Variants in DIAPH3 observed in about 807,000 individuals in gnomAD.
DIAPH3 encodes the protein diaphanous related formin 3.
Under a neutral mutation model 144.3 loss-of-function variants are expected in DIAPH3, and 117 were observed. That is an observed-to-expected ratio of 0.81 (90% CI 0.70 to 0.95). DIAPH3 has a LOEUF of 0.95. Ranked by LOEUF, DIAPH3 falls within the 40% of genes least tolerant of loss-of-function variation. The pLI is 0.00. For missense variants in DIAPH3, 1,421 were observed against 1,412.7 expected, an observed-to-expected ratio of 1.01 and a Z score of -0.09; for synonymous variants, 519 against 488.9, an observed-to-expected ratio of 1.06 and a Z score of -0.81.
At chr13:59,921,868 G>A (rs907182102) in intron 18 of DIAPH3, among the ~76,000 whole-genome samples, 7 of 151,894 alleles carry the variant, frequency 4.6e-5, no homozygotes, top group African/African-American at 1.7e-4. Flanking sequence ...TGATTAAATG[G>A]GATTCATTCC....
chr13:60,112,000 A>T lies in DIAPH3; in HGVS notation c.390+10T>A. 6.2e-7 allele frequency: 1 copy of T among 1,613,758 alleles called. No homozygotes were observed. Among genetic ancestry groups the T allele is most frequent in the Non-Finnish European group, 8.5e-7 (1 of 1,179,726 alleles). On this transcript the variant is annotated intron_variant, in intron 3 of 27. Transcript: ENST00000400324. ...TCCTCAAACATTTCCTAAAGAATCA[A>T]AATTCTTACCATCATTTTTTCAAAA...
intron 27 of DIAPH3, among the ~76,000 whole-genome samples, chr13:59,679,325 C>T (rs1311471469): frequency 6.6e-6 from 1 of 152,128 alleles, no homozygotes; most frequent in African/African-American, 2.4e-5. Context: ...GCTTGTGCTT[C>T]CTGAGACTGT....
chr13:59,869,378 A>G (rs1169186345), intron 21 of DIAPH3, among the ~76,000 whole-genome samples: 1 of 152,172 alleles, frequency 6.6e-6, no homozygotes, highest in African/African-American at 2.4e-5. Flanking sequence ...TTAATTTGAC[A>G]TGAGAGAGAT....
intron 2 of DIAPH3, among the ~76,000 whole-genome samples, chr13:60,129,695 C>T (rs1046474236): frequency 1.3e-5 from 2 of 152,138 alleles, no homozygotes; most frequent in African/African-American, 2.4e-5. Context: ...AGAATTTCTA[C>T]GTTGAAAGCA....
chr13:59,918,021 T>C (rs1410031168), intron 18 of DIAPH3, among the ~76,000 whole-genome samples: 2 of 150,458 alleles, frequency 1.3e-5, no homozygotes, highest in Non-Finnish European at 3.0e-5. Context: ...TCTCCAGTAA[T>C]TCTCCACCCT....
chr13:59,925,791 T>C (rs1679504661), intron 17 of DIAPH3, among the ~76,000 whole-genome samples: 1 of 152,142 alleles, frequency 6.6e-6, no homozygotes, highest in Non-Finnish European at 1.5e-5. Context: ...TCATTTCTTC[T>C]AGGTTTTCCA....
At chr13:60,131,547 T>TA (rs1391222211) in intron 2 of DIAPH3, among the ~76,000 whole-genome samples, 3 of 146,310 alleles carry the variant, frequency 2.1e-5, no homozygotes, top group Non-Finnish European at 4.5e-5. Flanking sequence ...AAAGACCACA[T>TA]ACGATATGAG....
chr13:60,048,055 T>C (rs1400855386), intron 4 of DIAPH3, among the ~76,000 whole-genome samples: 3 of 152,232 alleles, frequency 2.0e-5, no homozygotes, highest in African/African-American at 7.2e-5. Context: ...GCAGGGCCCA[T>C]GGTGAATGCC....
At chr13:59,896,871 T>C (rs1382420945) in intron 20 of DIAPH3, among the ~76,000 whole-genome samples, 1 of 152,198 alleles carries the variant, frequency 6.6e-6, no homozygotes, top group East Asian at 1.9e-4. Context: ...CCCAGCACTG[T>C]GTCTCAATAT....
At chr13:59,836,869 T>C (rs915579657) in intron 23 of DIAPH3, among the ~76,000 whole-genome samples, 1 of 151,900 alleles carries the variant, frequency 6.6e-6, no homozygotes, top group Admixed American at 6.6e-5. Context: ...TTAAGTATAT[T>C]TTATTCATTG....
At chr13:59,685,517 T>C (rs1406831053) in intron 27 of DIAPH3, among the ~76,000 whole-genome samples, 2 of 152,278 alleles carry the variant, frequency 1.3e-5, no homozygotes, top group East Asian at 3.9e-4. Context: ...GAGGTGGTTA[T>C]TGTTTATCTC....
intron 5 of DIAPH3, among the ~76,000 whole-genome samples, chr13:60,028,117 T>C (rs1042496190): frequency 1.1e-4 from 17 of 152,222 alleles, no homozygotes; most frequent in African/African-American, 3.9e-4. Context: ...CCTTCTTCTT[T>C]GAACTCTCGC....
chr13:60,006,192 A>G (rs1163883598), intron 9 of DIAPH3, among the ~76,000 whole-genome samples: 7 of 152,174 alleles, frequency 4.6e-5, no homozygotes, highest in African/African-American at 1.7e-4. Context: ...TTTATGTCTA[A>G]CAGCCAAAAC....
At chr13:59,728,324 G>A (rs1379784731) in intron 27 of DIAPH3, among the ~76,000 whole-genome samples, 1 of 151,820 alleles carries the variant, frequency 6.6e-6, no homozygotes, top group Non-Finnish European at 1.5e-5. Context: ...TATTATAAAT[G>A]ACTTAATGTT....
At chr13:59,709,598 G>C (rs2034621030) in intron 27 of DIAPH3, among the ~76,000 whole-genome samples, 1 of 152,182 alleles carries the variant, frequency 6.6e-6, no homozygotes, top group South Asian at 2.1e-4. Context: ...GCAAACAACA[G>C]GTGCTGGAGA....
At chr13:59,785,654 T>A (rs2038996605) in intron 25 of DIAPH3, among the ~76,000 whole-genome samples, 1 of 152,242 alleles carries the variant, frequency 6.6e-6, no homozygotes, top group South Asian at 2.1e-4. Context: ...ATAGCAAATA[T>A]TGCTGATTAG....
intron 1 of DIAPH3, among the ~76,000 whole-genome samples, chr13:60,151,586 A>G (rs1951785748): frequency 6.6e-6 from 1 of 152,238 alleles, no homozygotes; most frequent in Admixed American, 6.5e-5. Flanking sequence ...GGCAATATAA[A>G]GTTACAAGAG....
intron 4 of DIAPH3, among the ~76,000 whole-genome samples, chr13:60,085,552 G>A (rs12585204): frequency 0.037 from 5,674 of 152,116 alleles, 168 homozygotes; most frequent in East Asian, 0.1. Context: ...AAGTGGTAAG[G>A]CCTGGACATT....
At chr13:59,767,757 CCTT>C (rs763080932) in intron 27 of DIAPH3, among the ~76,000 whole-genome samples, 8 of 152,176 alleles carry the variant, frequency 5.3e-5, no homozygotes, top group Admixed American at 1.3e-4. Flanking sequence ...TTCTTTATCT[CCTT>C]CTCACTAAAT....
Sources: allele counts gnomAD v4.1 joint callset (sites outside exome capture counted in the v4.1 genomes callset), GRCh38; gene constraint gnomAD v4.1.1; transcripts MANE v1.5; gene names NCBI Gene and HGNC (gene_info 2026-07-23, HGNC 2026-07-21).